TERF1: variants seen among roughly 807,000 people sequenced by gnomAD.
TERF1 encodes telomeric repeat binding factor 1.
Under a neutral mutation model 55.1 loss-of-function variants are expected in TERF1, and 20 were observed. The observed-to-expected ratio is 0.36, with a 90% CI of 0.26 to 0.53. TERF1 has a LOEUF of 0.53. Ranked by LOEUF, TERF1 falls within the 20% of genes least tolerant of loss-of-function variation. TERF1 has a pLI of 0.91. For synonymous variants in TERF1, 168 were observed against 181.2 expected, an observed-to-expected ratio of 0.93 and a Z score of 0.59; for missense variants, 439 against 535.7, an observed-to-expected ratio of 0.82 and a Z score of 1.78.
chr8:73,022,592 C>A (rs1808811259), intron 4 of TERF1, among the ~76,000 whole-genome samples: 1 of 151,134 alleles, frequency 6.6e-6, no homozygotes, highest in South Asian at 2.1e-4. Context: ...CCTCATCTCT[C>A]CAAAAAGAAG....
chr8:73,026,886 A>G, intron 5 of TERF1, 54 bp from the exon 6 acceptor site: 1 of 1,333,908 alleles, frequency 7.5e-7, no homozygotes. Flanking sequence ...TATTTGTTTA[A>G]AATGGCTTAA....
At chr8:73,013,045 G>T in intron 1 of TERF1, 1 of 379,018 alleles carries the variant, frequency 2.6e-6, no homozygotes, top group Non-Finnish European at 5.5e-6. Flanking sequence ...TGTAGCATAA[G>T]ATTATGTTAG....
chr8:73,032,661 C>T (rs1315350307), intron 8 of TERF1, among the ~76,000 whole-genome samples: 1 of 152,056 alleles, frequency 6.6e-6, no homozygotes, highest in Non-Finnish European at 1.5e-5. Context: ...CCCCATTTCT[C>T]AGAACATATC....
intron 8 of TERF1, among the ~76,000 whole-genome samples, chr8:73,037,970 C>T (rs974181515): frequency 5.2e-5 from 7 of 135,532 alleles, no homozygotes; most frequent in African/African-American, 1.1e-4. Flanking sequence ...TTTTTCCCCC[C>T]GAATATTTTA....
At chr8:73,020,563 A>G (rs1332589435) in intron 2 of TERF1, 121 bp from the exon 3 acceptor site, 1 of 688,144 alleles carries the variant, frequency 1.5e-6, no homozygotes, top group Non-Finnish European at 2.1e-6. Context: ...ACTGGTATAA[A>G]CAAGAAGAGT....
intron 2 of TERF1, among the ~76,000 whole-genome samples, chr8:73,016,425 T>A (rs990162434): frequency 1.3e-5 from 2 of 151,248 alleles, no homozygotes; most frequent in Non-Finnish European, 2.9e-5. Flanking sequence ...CCTCCTCTTA[T>A]GGAACTTTAA....
chr8:73,035,120 G>A (rs1487325379), intron 8 of TERF1, among the ~76,000 whole-genome samples: 1 of 152,082 alleles, frequency 6.6e-6, no homozygotes, highest in Non-Finnish European at 1.5e-5. Context: ...TTTATGATCT[G>A]TGTAAAATAA....
chr8:73,031,949 A>G, intron 7 of TERF1, 93 bp from the exon 8 acceptor site: 1 of 813,946 alleles, frequency 1.2e-6, no homozygotes, highest in Admixed American at 2.6e-5. Context: ...TTAATAGAAG[A>G]TCCTAGAACA....
chr8:73,036,936 T>C (rs1809537354), intron 8 of TERF1, among the ~76,000 whole-genome samples: 1 of 143,144 alleles, frequency 7.0e-6, no homozygotes, highest in Admixed American at 7.3e-5. Context: ...TTTAATTCTA[T>C]TTCAGTCTGT....
At chr8:73,018,492 A>C (rs56152340) in intron 2 of TERF1, among the ~76,000 whole-genome samples, 1 of 152,116 alleles carries the variant, frequency 6.6e-6, no homozygotes, top group South Asian at 2.1e-4. Context: ...CCTGGCCAAC[A>C]TGGCAAAACC....
chr8:73,029,451 C>T (rs1468997193), intron 6 of TERF1, among the ~76,000 whole-genome samples: 1 of 151,952 alleles, frequency 6.6e-6, no homozygotes, highest in Non-Finnish European at 1.5e-5. Context: ...ATGGCAGAAC[C>T]TTGTCTTTAC....
At chr8:73,022,868 G>A (rs1808824890) in intron 4 of TERF1, among the ~76,000 whole-genome samples, 1 of 152,128 alleles carries the variant, frequency 6.6e-6, no homozygotes, top group African/African-American at 2.4e-5. Context: ...GGAAGTCAAG[G>A]CTGCAGTGAG....
chr8:73,029,538 C>T (rs1301394760), intron 6 of TERF1, among the ~76,000 whole-genome samples: 1 of 151,190 alleles, frequency 6.6e-6, no homozygotes, highest in African/African-American at 2.4e-5. Context: ...ATTGTTTGAG[C>T]CCGGCAGGTC....
At chr8:73,015,330 T>A (rs1266581105) in intron 2 of TERF1, among the ~76,000 whole-genome samples, 3 of 123,490 alleles carry the variant, frequency 2.4e-5, no homozygotes, top group Non-Finnish European at 5.5e-5. Context: ...TTTTTTTTTT[T>A]AATTTTGCTC....
At chr8:73,032,230 TC>T in intron 8 of TERF1, 97 bp downstream of exon 8, 1 of 778,596 alleles carries the variant, frequency 1.3e-6, no homozygotes, top group Non-Finnish European at 2.0e-6. Flanking sequence ...AACACACACT[TC>T]AGAAAACTGA....
intron 6 of TERF1, among the ~76,000 whole-genome samples, chr8:73,028,260 G>T (rs1809106832): frequency 6.6e-6 from 1 of 152,034 alleles, no homozygotes; most frequent in Non-Finnish European, 1.5e-5. Context: ...CACAAACACA[G>T]TGCAATCCAT....
At chr8:73,036,871 G>A (rs1809534931) in intron 8 of TERF1, among the ~76,000 whole-genome samples, 1 of 135,470 alleles carries the variant, frequency 7.4e-6, no homozygotes, top group Non-Finnish European at 1.6e-5. Context: ...ATATATATAT[G>A]ACCTATGAGG....
chr8:73,028,571 A>ATTTTTTTTTTTTTTTTTTTTTTTTT (rs59423351), intron 6 of TERF1, among the ~76,000 whole-genome samples: 2 of 104,426 alleles, frequency 1.9e-5, no homozygotes, highest in Non-Finnish European at 1.8e-5. Context: ...ACGTAGACCC[A>ATTTTTTTTTTTTTTTTTTTTTTTTT]TTTTTTTTTT....
intron 6 of TERF1, chr8:73,030,027 G>A (rs1325715164): frequency 4.8e-6 from 1 of 208,078 alleles, no homozygotes; most frequent in Non-Finnish European, 9.4e-6. Flanking sequence ...CCTTAATAAA[G>A]CAGTTTTTAA....
Sources: gnomAD v4.1 joint callset for allele counts (sites outside exome capture counted in the v4.1 genomes callset) on GRCh38, gnomAD v4.1.1 for gene constraint, MANE v1.5 for transcripts, NCBI Gene and HGNC (gene_info 2026-07-23, HGNC 2026-07-21) for gene names.